Variants in SPATA31A5 observed in about 807,000 individuals in gnomAD.
SPATA31A5 encodes spermatogenesis-associated protein 31A5.
At chr9:60,915,269 T>C (rs1366318463) in intron 1 of SPATA31A5, among the ~76,000 whole-genome samples, 36 of 100,420 alleles carry the variant, frequency 3.6e-4, no homozygotes, top group African/African-American at 1.1e-3. Context: ...TATTTTATTT[T>C]ATTTTATTTT....
chr9:60,915,187 C>CTGTGTGTGTG (rs1161833993), intron 1 of SPATA31A5, among the ~76,000 whole-genome samples: 1,006 of 75,646 alleles, frequency 0.013, 7 homozygotes, highest in Non-Finnish European at 0.017. Flanking sequence ...GAAAATCCCT[C>CTGTGTGTGTG]TGTGTGTGTG....
At chr9:60,914,937 G>T (rs1324650912) in intron 1 of SPATA31A5, among the ~76,000 whole-genome samples, 1 of 29,850 alleles carries the variant, frequency 3.4e-5, no homozygotes, top group Non-Finnish European at 7.2e-5. Context: ...ACCAGGCCCT[G>T]AGCCCTGGCT....
intron 1 of SPATA31A5, among the ~76,000 whole-genome samples, chr9:60,915,324 T>C (rs371314736): frequency 1.4e-5 from 1 of 73,324 alleles, no homozygotes; most frequent in Non-Finnish European, 3.1e-5. Context: ...CGCTCTGTGG[T>C]GCAGGTTGCA....
chr9:60,915,187 C>CTGTGTGTGTGTGTG (rs1161833993), intron 1 of SPATA31A5, among the ~76,000 whole-genome samples: 94 of 76,852 alleles, frequency 1.2e-3, no homozygotes, highest in Non-Finnish European at 1.6e-3. Context: ...GAAAATCCCT[C>CTGTGTGTGTGTGTG]TGTGTGTGTG....
At chr9:60,915,226 TTTTTA>T (rs1825497866) in intron 1 of SPATA31A5, among the ~76,000 whole-genome samples, 2 of 120,750 alleles carry the variant, frequency 1.7e-5, no homozygotes, top group South Asian at 2.9e-4. Flanking sequence ...TGTGTGTGTA[TTTTTA>T]TTTTATTTGT....
At chr9:60,915,187 CTGTGTG>C (rs1161833993) in intron 1 of SPATA31A5, among the ~76,000 whole-genome samples, 200 of 76,768 alleles carry the variant, frequency 2.6e-3, no homozygotes, top group Middle Eastern at 0.013. Flanking sequence ...GAAAATCCCT[CTGTGTG>C]TGTGTGTGTG....
intron 1 of SPATA31A5, among the ~76,000 whole-genome samples, chr9:60,914,973 G>A (rs1191247107): frequency 2.6e-5 from 1 of 39,044 alleles, no homozygotes; most frequent in African/African-American, 1.1e-4. Context: ...GGTGCAGGTG[G>A]CTCAGGGCCC....
At chr9:60,915,250 TTTTTATTTTATTTTATTTTATTTTA>T (rs758221670) in intron 1 of SPATA31A5, among the ~76,000 whole-genome samples, 1 of 87,594 alleles carries the variant, frequency 1.1e-5, no homozygotes, top group African/African-American at 4.1e-5. Flanking sequence ...GTGTGTGTTA[TTTTTATTTTATTTTATTTTATTTTA>T]TTTTATTTTA....
intron 1 of SPATA31A5, among the ~76,000 whole-genome samples, chr9:60,915,187 C>CTG (rs1161833993): frequency 0.054 from 4,088 of 75,922 alleles, 157 homozygotes; most frequent in African/African-American, 0.13. Flanking sequence ...GAAAATCCCT[C>CTG]TGTGTGTGTG....
intron 1 of SPATA31A5, among the ~76,000 whole-genome samples, chr9:60,915,229 TTA>T (rs1825497998): frequency 8.3e-6 from 1 of 120,566 alleles, no homozygotes; most frequent in African/African-American, 3.1e-5. Context: ...GTGTGTATTT[TTA>T]TTTTATTTGT....
At chr9:60,915,337 G>A (rs1587523333) in intron 1 of SPATA31A5, among the ~76,000 whole-genome samples, 1 of 67,756 alleles carries the variant, frequency 1.5e-5, no homozygotes. Flanking sequence ...AGGTTGCAGT[G>A]AAATGGAGTG....
intron 1 of SPATA31A5, among the ~76,000 whole-genome samples, chr9:60,915,150 G>A (rs1825494773): frequency 1.2e-5 from 1 of 85,580 alleles, no homozygotes; most frequent in East Asian, 2.4e-4. Flanking sequence ...AACAGGGACT[G>A]AAGGTGTCCG....
intron 1 of SPATA31A5, among the ~76,000 whole-genome samples, chr9:60,915,250 TTTTTATTTTA>T (rs758221670): frequency 0.012 from 1,020 of 86,336 alleles, 7 homozygotes; most frequent in African/African-American, 0.022. Flanking sequence ...GTGTGTGTTA[TTTTTATTTTA>T]TTTTATTTTA....
At position 60,915,165 on chromosome 9, in the gene SPATA31A5, G is replaced by A. The variant is rs1350812383; in HGVS notation, c.189+541G>A. Among the ~76,000 whole-genome samples, 107 of 88,616 alleles carry A rather than the reference G, an allele frequency of 1.2e-3. 1 individual carries two copies. The highest frequency in any genetic ancestry group is 5.4e-3 in the African/African-American group (106 of 19,462). 58.1% of individuals were successfully genotyped at this position (88,616 alleles called of 152,430 possible). A position where few individuals can be genotyped will look rare whatever the true frequency, so the allele number is the denominator to read the frequency against. On this transcript the variant is annotated intron_variant, in intron 1 of 3. Coordinates refer to ENST00000437823, the MANE Select transcript of SPATA31A5 (RefSeq NM_001113541.3). ...AACAGGGACTGAAGGTGTCCGTGGT[G>A]GACCTCATATTGAAAATCCCTCTGT...
chr9:60,915,162 G>C (rs1239611488), intron 1 of SPATA31A5, among the ~76,000 whole-genome samples: 5 of 89,008 alleles, frequency 5.6e-5, no homozygotes, highest in African/African-American at 2.5e-4. Flanking sequence ...AGGTGTCCGT[G>C]GTGGACCTCA....
rs967442614 is a variant in SPATA31A5, at chr9:60,915,023, C to T, written c.189+399C>T. On this transcript the variant is annotated intron_variant, in intron 1 of 3. Coordinates refer to ENST00000437823, the MANE Select transcript of SPATA31A5 (RefSeq NM_001113541.3). Reference sequence around the variant, plus strand: ...GGGGTGATCTGGGGCCTGTGCTGGGCCCCTGAGGGCCTCCCACCAGGGCCT... The same window carrying T: ...GGGGTGATCTGGGGCCTGTGCTGGGTCCCTGAGGGCCTCCCACCAGGGCCT... 2.5e-4 allele frequency among the ~76,000 whole-genome samples: 11 copies of T among 43,894 alleles called. No homozygotes were observed. The South Asian group carries it at 3.9e-3, about 16-fold the overall frequency. The allele number at this position is 43,894 out of a possible 152,430, so 28.8% of individuals were successfully genotyped here. A position where few individuals can be genotyped will look rare whatever the true frequency, so the allele number is the denominator to read the frequency against.
intron 1 of SPATA31A5, among the ~76,000 whole-genome samples, chr9:60,915,011 GC>G (rs1213240487): frequency 2.3e-5 from 1 of 43,826 alleles, no homozygotes; most frequent in East Asian, 3.8e-4. Flanking sequence ...GTGATCTGGG[GC>G]CTGTGCTGGG....
chr9:60,915,250 TTTTTA>T (rs758221670), intron 1 of SPATA31A5, among the ~76,000 whole-genome samples: 20,626 of 83,666 alleles, frequency 0.25, 1,360 homozygotes, highest in Non-Finnish European at 0.3. Context: ...GTGTGTGTTA[TTTTTA>T]TTTTATTTTA....
At chr9:60,915,352 C>A (rs1381851484) in intron 1 of SPATA31A5, among the ~76,000 whole-genome samples, 1 of 56,318 alleles carries the variant, frequency 1.8e-5, no homozygotes, top group African/African-American at 6.4e-5. Context: ...GGAGTGATAT[C>A]GGCTCACTGC....
Sources: allele counts gnomAD v4.1 joint callset (sites outside exome capture counted in the v4.1 genomes callset), GRCh38; gene constraint gnomAD v4.1.1; transcripts MANE v1.5; gene names NCBI Gene and HGNC (gene_info 2026-07-23, HGNC 2026-07-21).